The following STPG2 variants were observed in gnomAD, a reference collection of about 807,000 sequenced individuals.
The protein encoded by STPG2 is sperm-tail PG-rich repeat-containing protein 2.
A neutral mutation model predicts 54.2 loss-of-function variants in STPG2; 56 were observed. The observed-to-expected ratio is 1.03, with a 90% CI of 0.83 to 1.29. The LOEUF (loss-of-function observed/expected upper bound fraction) is 1.29, where lower values mean the gene tolerates loss of function less well. Ranked by LOEUF, STPG2 falls within the 50% of genes most tolerant of loss-of-function variation. The pLI is 0.00. For missense variants in STPG2, 596 were observed against 544.9 expected (o/e 1.09, Z -0.93); for synonymous variants, 200 against 181.8 (o/e 1.10, Z -0.81).
chr4:98,142,376 T>G (rs556732393), intron 1 of STPG2, among the ~76,000 whole-genome samples: 1 of 152,202 alleles, frequency 6.6e-6, no homozygotes, highest in African/African-American at 2.4e-5. Flanking sequence ...ATAGAAAAAG[T>G]AGAAAGCAAA....
At chr4:97,783,162 A>C (rs1291133198) in intron 9 of STPG2, among the ~76,000 whole-genome samples, 1 of 152,188 alleles carries the variant, frequency 6.6e-6, no homozygotes, top group African/African-American at 2.4e-5. Context: ...AATGGGAGAA[A>C]ATTTTTGCAA....
chr4:97,810,733 T>C (rs1171184598), intron 9 of STPG2, among the ~76,000 whole-genome samples: 10 of 152,136 alleles, frequency 6.6e-5, no homozygotes. Flanking sequence ...GACAATATAC[T>C]GGGATAAAGG....
At chr4:97,696,005 G>GA (rs201864383) in intron 10 of STPG2, among the ~76,000 whole-genome samples, 22 of 149,840 alleles carry the variant, frequency 1.5e-4, no homozygotes, top group East Asian at 1.4e-3. Context: ...CATAGAACTA[G>GA]AAAAAAAAAC....
intron 2 of STPG2, among the ~76,000 whole-genome samples, chr4:98,131,829 T>C (rs1052196339): frequency 5.9e-5 from 9 of 152,150 alleles, no homozygotes; most frequent in Non-Finnish European, 1.2e-4. Context: ...TCTTCACTCA[T>C]GTAATACTCC....
intron 9 of STPG2, among the ~76,000 whole-genome samples, chr4:97,792,096 A>G (rs1378874012): frequency 6.6e-6 from 1 of 152,088 alleles, no homozygotes; most frequent in Non-Finnish European, 1.5e-5. Context: ...CAGTGGAATG[A>G]CTCTTTAAAG....
At chr4:97,784,076 AAAAAAG>A (rs1398685919) in intron 9 of STPG2, among the ~76,000 whole-genome samples, 4 of 151,734 alleles carry the variant, frequency 2.6e-5, no homozygotes, top group African/African-American at 7.2e-5. Flanking sequence ...ATTAAAAAAA[AAAAAAG>A]AAAAAGAAAA....
chr4:98,055,521 C>G (rs1476513476), intron 5 of STPG2, among the ~76,000 whole-genome samples: 1 of 152,136 alleles, frequency 6.6e-6, no homozygotes, highest in African/African-American at 2.4e-5. Flanking sequence ...CAAGGAGCAA[C>G]CCACTCTCAC....
At chr4:97,595,608 AAAAC>A (rs1373056949) in intron 10 of STPG2, among the ~76,000 whole-genome samples, 2 of 152,122 alleles carry the variant, frequency 1.3e-5, no homozygotes, top group Non-Finnish European at 2.9e-5. Context: ...TAAAAATAAA[AAAAC>A]AAAAAAAGAA....
intron 9 of STPG2, among the ~76,000 whole-genome samples, chr4:97,739,651 T>A (rs947861984): frequency 2.6e-5 from 4 of 152,078 alleles, no homozygotes; most frequent in African/African-American, 9.6e-5. Context: ...ACACCCTCCC[T>A]AGAGTAAACC....
At chr4:98,133,207 T>C (rs1443394057) in intron 2 of STPG2, among the ~76,000 whole-genome samples, 2 of 152,040 alleles carry the variant, frequency 1.3e-5, no homozygotes, top group Non-Finnish European at 2.9e-5. Flanking sequence ...CTGAAAATTA[T>C]CAATTGACTA....
At chr4:98,006,833 C>T (rs967100746) in intron 5 of STPG2, among the ~76,000 whole-genome samples, 3 of 152,262 alleles carry the variant, frequency 2.0e-5, no homozygotes, top group Admixed American at 6.5e-5. Flanking sequence ...CAATCAGTTC[C>T]GAAGTGTGAG....
chr4:97,920,687 C>A (rs1357160700), intron 8 of STPG2, among the ~76,000 whole-genome samples: 1 of 151,956 alleles, frequency 6.6e-6, no homozygotes, highest in African/African-American at 2.4e-5. Flanking sequence ...GAACAGCTGA[C>A]AACCTGGCTG....
chr4:97,646,324 A>C (rs931565888), intron 10 of STPG2, among the ~76,000 whole-genome samples: 1 of 152,156 alleles, frequency 6.6e-6, no homozygotes. Flanking sequence ...ATGTAGTTGC[A>C]TGTTATCTTC....
intron 5 of STPG2, among the ~76,000 whole-genome samples, chr4:97,988,631 G>C (rs552389599): frequency 6.6e-6 from 1 of 152,036 alleles, no homozygotes; most frequent in South Asian, 2.1e-4. Flanking sequence ...TTTTGATATG[G>C]GCTCTCACTC....
chr4:97,512,978 G>T (rs1386578908), intron 4 of STPG2, among the ~76,000 whole-genome samples: 2 of 151,920 alleles, frequency 1.3e-5, no homozygotes, highest in African/African-American at 4.8e-5. Context: ...CAGGTTAAGG[G>T]CTTAGTCCCA....
chr4:97,715,578 C>A (rs544279727), intron 9 of STPG2, among the ~76,000 whole-genome samples: 4 of 152,072 alleles, frequency 2.6e-5, no homozygotes, highest in Non-Finnish European at 5.9e-5. Context: ...AAAAAAACTT[C>A]TATAAATAAA....
At chr4:97,991,095 C>T (rs912936746) in intron 5 of STPG2, among the ~76,000 whole-genome samples, 2 of 151,872 alleles carry the variant, frequency 1.3e-5, no homozygotes, top group African/African-American at 2.4e-5. Flanking sequence ...TCCCCGAAGC[C>T]CATTGTATCA....
rs539685551 is a variant in STPG2, at chr4:97,967,153, G to T, written c.933+5127C>A. On this transcript the variant is annotated intron_variant, in intron 7 of 10. Transcript: ENST00000295268. ...GACACACACAGGCTCAAAATAAAGGGATGGAGGAAGATTTACCAAGCAAAT... is the reference window on the plus strand; with the variant it reads ...GACACACACAGGCTCAAAATAAAGGTATGGAGGAAGATTTACCAAGCAAAT... 1.6e-3 allele frequency among the ~76,000 whole-genome samples: 221 copies of T among 134,722 alleles called. 1 individual carries two copies. The highest frequency in any genetic ancestry group is 5.8e-3 in the African/African-American group (213 of 36,632). The allele number at this position is 134,722 out of a possible 152,430, so 88.4% of individuals were successfully genotyped here.
At chr4:97,685,965 T>C (rs1723176597) in intron 10 of STPG2, among the ~76,000 whole-genome samples, 1 of 152,220 alleles carries the variant, frequency 6.6e-6, no homozygotes, top group Non-Finnish European at 1.5e-5. Flanking sequence ...TTTAACATGG[T>C]TGACCCTCAA....
Sources: gnomAD v4.1 joint callset for allele counts (sites outside exome capture counted in the v4.1 genomes callset) on GRCh38, gnomAD v4.1.1 for gene constraint, MANE v1.5 for transcripts, NCBI Gene and HGNC (gene_info 2026-07-23, HGNC 2026-07-21) for gene names.